VPS13B: variants seen among roughly 807,000 people sequenced by gnomAD.
The protein encoded by VPS13B is vacuolar protein sorting 13 homolog B.
Under a neutral mutation model 426.4 loss-of-function variants are expected in VPS13B, and 285 were observed. That is an observed-to-expected ratio of 0.67 (90% confidence interval 0.61 to 0.74). The LOEUF is 0.74. VPS13B is among the 30% of genes least tolerant of loss of function. The pLI, the probability that VPS13B is intolerant of heterozygous loss-of-function variation, is 0.00. For synonymous variants in VPS13B, 1,676 were observed against 1,676.4 expected (o/e 1.00, Z 0.01); for missense variants, 4,537 against 4,782.6 (o/e 0.95, Z 1.51).
At chr8:99,192,443 A>C (rs951933885) in intron 16 of VPS13B, among the ~76,000 whole-genome samples, 1 of 152,162 alleles carries the variant, frequency 6.6e-6, no homozygotes, top group Non-Finnish European at 1.5e-5. Context: ...TGGTTTTCCC[A>C]TTTGAAAAAC....
At chr8:99,140,559 C>T (rs897039551) in intron 12 of VPS13B, among the ~76,000 whole-genome samples, 7 of 149,434 alleles carry the variant, frequency 4.7e-5, no homozygotes, top group African/African-American at 1.5e-4. Flanking sequence ...TCTCCTCCTT[C>T]TCCTCCTTTC....
chr8:99,869,134 A>G (rs1056904132), intron 59 of VPS13B, among the ~76,000 whole-genome samples: 1 of 152,236 alleles, frequency 6.6e-6, no homozygotes, highest in Admixed American at 6.5e-5. Context: ...GGCAGAGCAC[A>G]TTCAAGTGAC....
In VPS13B at chr8:99,642,276, C is replaced by T. The variant is rs1477195011; in HGVS notation, c.5686C>T (p.Leu1896Phe). ...KKIGVLSLESLHASTRSSARQ... is the reference protein window; with the variant it reads ...KKIGVLSLESFHASTRSSARQ... ...AATAGGGGTCCTCTCTCTTGAAAGT[C>T]TTCATGCATCCACAAGGTCATCTGC... Residue 1896 changes from leucine to phenylalanine, a missense_variant, in exon 34 of 62, where the codon CTT (leucine) becomes TTT (phenylalanine). Coordinates refer to ENST00000357162, the MANE Select transcript of VPS13B (RefSeq NM_152564.5). 2 of 1,614,118 alleles carry T rather than the reference C, an allele frequency of 1.2e-6. No individual in the cohort carries two copies. Among genetic ancestry groups the T allele is most frequent in the African/African-American group, 1.3e-5 (1 of 75,034 alleles).
intron 19 of VPS13B, among the ~76,000 whole-genome samples, chr8:99,350,856 G>T (rs554824840): frequency 1.3e-5 from 2 of 151,588 alleles, no homozygotes; most frequent in East Asian, 3.9e-4. Context: ...TATGTAATAT[G>T]TAAAATGAAT....
At chr8:99,419,514 A>G (rs1816258961) in intron 21 of VPS13B, among the ~76,000 whole-genome samples, 1 of 152,172 alleles carries the variant, frequency 6.6e-6, no homozygotes, top group Non-Finnish European at 1.5e-5. Flanking sequence ...TGAGTTTGCA[A>G]GGCTTATTTT....
intron 16 of VPS13B, among the ~76,000 whole-genome samples, chr8:99,180,036 A>G (rs981911394): frequency 1.3e-5 from 2 of 152,198 alleles, no homozygotes; most frequent in Non-Finnish European, 2.9e-5. Flanking sequence ...AAAGTTATTA[A>G]TTACATATAT....
intron 2 of VPS13B, among the ~76,000 whole-genome samples, chr8:99,031,222 A>G (rs886731956): frequency 2.0e-5 from 3 of 152,110 alleles, no homozygotes; most frequent in African/African-American, 7.2e-5. Flanking sequence ...TGACTTCTTC[A>G]ATGCCAAGAT....
At chr8:99,573,806 C>T (rs1321711231) in intron 31 of VPS13B, among the ~76,000 whole-genome samples, 2 of 152,034 alleles carry the variant, frequency 1.3e-5, no homozygotes, top group Non-Finnish European at 2.9e-5. Flanking sequence ...TCCATATGAA[C>T]TTTAAAGTAG....
chr8:99,828,717 T>C (rs565240176), intron 51 of VPS13B, among the ~76,000 whole-genome samples: 2 of 152,258 alleles, frequency 1.3e-5, no homozygotes, highest in East Asian at 3.9e-4. Context: ...TTTTGGTTTG[T>C]TTTTGCAGTG....
At chr8:99,437,570 T>C (rs1817450612) in intron 22 of VPS13B, among the ~76,000 whole-genome samples, 1 of 151,948 alleles carries the variant, frequency 6.6e-6, no homozygotes, top group Non-Finnish European at 1.5e-5. Context: ...ATACAAAAAT[T>C]AGCTGGGCTT....
intron 17 of VPS13B, among the ~76,000 whole-genome samples, chr8:99,223,207 A>G (rs890538672): frequency 2.0e-5 from 3 of 152,208 alleles, no homozygotes; most frequent in African/African-American, 7.2e-5. Context: ...ATTAGGAAAA[A>G]TATATCCCAC....
chr8:99,528,940 T>C (rs900042229), intron 30 of VPS13B, among the ~76,000 whole-genome samples: 1 of 152,092 alleles, frequency 6.6e-6, no homozygotes, highest in Non-Finnish European at 1.5e-5. Flanking sequence ...TTTAAAATAT[T>C]GATTCTTTAA....
intron 36 of VPS13B, among the ~76,000 whole-genome samples, chr8:99,704,248 C>T (rs1832406776): frequency 6.6e-6 from 1 of 152,106 alleles, no homozygotes; most frequent in Non-Finnish European, 1.5e-5. Context: ...TTCACATATA[C>T]AAAATGCCTT....
intron 19 of VPS13B, among the ~76,000 whole-genome samples, chr8:99,325,770 A>C (rs888956247): frequency 6.6e-6 from 1 of 152,186 alleles, no homozygotes; most frequent in African/African-American, 2.4e-5. Context: ...GTATCAGGTA[A>C]TTTCCTGTTT....
chr8:99,393,076 GA>G (rs202028258), intron 21 of VPS13B, among the ~76,000 whole-genome samples: 5 of 149,610 alleles, frequency 3.3e-5, no homozygotes, highest in East Asian at 1.9e-4. Flanking sequence ...GTCCATTAGT[GA>G]AAAAAAAATG....
chr8:99,175,761 A>G (rs1812595123), intron 16 of VPS13B, among the ~76,000 whole-genome samples: 1 of 152,168 alleles, frequency 6.6e-6, no homozygotes, highest in Non-Finnish European at 1.5e-5. Flanking sequence ...TCTGTTTCAA[A>G]CCCCAAAACC....
intron 35 of VPS13B, among the ~76,000 whole-genome samples, chr8:99,692,819 G>C (rs1232341860): frequency 6.8e-6 from 1 of 146,994 alleles, no homozygotes; most frequent in Non-Finnish European, 1.5e-5. Context: ...AAGAAAAAAA[G>C]AGAGAAGAAT....
intron 35 of VPS13B, among the ~76,000 whole-genome samples, chr8:99,663,215 T>G (rs1041796092): frequency 3.3e-5 from 5 of 152,202 alleles, no homozygotes; most frequent in Non-Finnish European, 7.3e-5. Flanking sequence ...TGATCCATAC[T>G]ACAGATGGAG....
chr8:99,176,629 T>C (rs1029759964), intron 16 of VPS13B, among the ~76,000 whole-genome samples: 1 of 152,114 alleles, frequency 6.6e-6, no homozygotes, highest in African/African-American at 2.4e-5. Context: ...TGTAAAAAAA[T>C]AAAAAATAAA....
Sources: allele counts gnomAD v4.1 joint callset (sites outside exome capture counted in the v4.1 genomes callset), GRCh38; gene constraint gnomAD v4.1.1; transcripts MANE v1.5; gene names NCBI Gene and HGNC (gene_info 2026-07-23, HGNC 2026-07-21).